KAT6B: variants seen among roughly 807,000 people sequenced by gnomAD.
The protein encoded by KAT6B is lysine acetyltransferase 6B, also known as histone acetyltransferase KAT6B.
A neutral mutation model predicts 187.5 loss-of-function variants in KAT6B; 10 were observed. The observed-to-expected ratio is 0.05, with a 90% CI of 0.03 to 0.09. The LOEUF (loss-of-function observed/expected upper bound fraction) is 0.09. KAT6B is among the 10% of genes least tolerant of loss of function. The pLI is 1.00. For missense variants in KAT6B, 1,952 were observed against 2,558.9 expected (o/e 0.76, Z 5.12); for synonymous variants, 861 against 926.8 (o/e 0.93, Z 1.29).
chr10:74,963,013 G>A (rs188035880), intron 4 of KAT6B, among the ~76,000 whole-genome samples: 13 of 152,244 alleles, frequency 8.5e-5, no homozygotes, highest in Admixed American at 8.5e-4. Context: ...CCTCATCTGT[G>A]GGGTGTAAAG....
intron 3 of KAT6B, among the ~76,000 whole-genome samples, chr10:74,912,533 G>A (rs1321672930): frequency 1.3e-5 from 2 of 152,136 alleles, no homozygotes; most frequent in Non-Finnish European, 2.9e-5. Context: ...GTTCATCCAT[G>A]TCTCTTGTAT....
At chr10:74,897,764 A>G (rs980994813) in intron 3 of KAT6B, among the ~76,000 whole-genome samples, 7 of 152,204 alleles carry the variant, frequency 4.6e-5, no homozygotes, top group Non-Finnish European at 7.4e-5. Flanking sequence ...AAAGAAGTAC[A>G]TCCTATTAAA....
chr10:74,826,430 A>G (rs1395146378), upstream of KAT6B, among the ~76,000 whole-genome samples: 2 of 152,176 alleles, frequency 1.3e-5, no homozygotes, highest in East Asian at 3.9e-4. Context: ...TGTGGAAGCG[A>G]GATGACCGGC....
chr10:74,893,169 G>GGTCT (rs1312793026), intron 3 of KAT6B, among the ~76,000 whole-genome samples: 1 of 152,182 alleles, frequency 6.6e-6, no homozygotes, highest in African/African-American at 2.4e-5. Context: ...CCAGCAAAGG[G>GGTCT]GTCTCACTAG....
At chr10:74,990,988 A>G (rs1308300795) in intron 13 of KAT6B, among the ~76,000 whole-genome samples, 1 of 152,122 alleles carries the variant, frequency 6.6e-6, no homozygotes, top group Admixed American at 6.5e-5. Context: ...CTTCCTTGAA[A>G]TGATCACCTC....
At chr10:74,889,670 A>G (rs1845521124) in intron 3 of KAT6B, among the ~76,000 whole-genome samples, 1 of 152,218 alleles carries the variant, frequency 6.6e-6, no homozygotes, top group South Asian at 2.1e-4. Context: ...ATTGAAAGGA[A>G]AATTCATTGT....
At chr10:74,842,473 T>C in intron 2 of KAT6B, 127 bp from the exon 3 acceptor site, 1 of 494,368 alleles carries the variant, frequency 2.0e-6, no homozygotes, top group African/African-American at 2.2e-5. Flanking sequence ...GGCTGTGTTA[T>C]GTAATACCTG....
chr10:74,859,273 T>C (rs1843009874), intron 3 of KAT6B, among the ~76,000 whole-genome samples: 1 of 151,412 alleles, frequency 6.6e-6, no homozygotes, highest in Non-Finnish European at 1.5e-5. Flanking sequence ...TTAGTAGAGA[T>C]GGGGTTTCAC....
In KAT6B at chr10:74,924,013, C is replaced by T. The variant is rs149203049; in HGVS notation, c.622-35957C>T. On this transcript the variant is annotated intron_variant, in intron 3 of 17. Transcript: ENST00000287239. ...TCTGGATGTATTTTGAAGTAGAGCC[C>T]GCAGAATTTGTTGATGAACTTGATG... Among the ~76,000 whole-genome samples, 9 of 152,002 alleles carry T rather than the reference C, an allele frequency of 5.9e-5. No individual in the cohort carries two copies. The East Asian group carries it at 9.7e-4, about 16-fold the overall frequency.
In KAT6B at chr10:74,969,775, T is replaced by C. The variant is rs772494538; in HGVS notation, c.846T>C (p.Ala282=). 6.9e-6 allele frequency: 11 copies of C among 1,600,346 alleles called. No individual in the cohort carries two copies. In the East Asian group the frequency reaches 2.5e-4, roughly 36 times the overall value. ...CSACRVQGRN[A]DNMLFCDSCD... is the part of the protein sequence containing the mutation. Reference sequence around the variant, plus strand: ...CCTGTAGAGTCCAAGGCAGAAATGCTGTAAGTATGGCTCCCGTAATCCGCC... The same window carrying C: ...CCTGTAGAGTCCAAGGCAGAAATGCCGTAAGTATGGCTCCCGTAATCCGCC... The change falls in exon 5 of 18, where the codon GCT becomes GCC. Residue 282 remains alanine, a splice_region_variant and synonymous_variant. Transcript: ENST00000287239.
chr10:74,970,231 C>CT, intron 6 of KAT6B, 130 bp downstream of exon 6: 1 of 692,842 alleles, frequency 1.4e-6, no homozygotes, highest in Non-Finnish European at 2.6e-6. Context: ...CCCTATACTT[C>CT]TGAGTTTAGC....
chr10:74,986,191 G>T (rs937578850), intron 12 of KAT6B, among the ~76,000 whole-genome samples: 4 of 152,166 alleles, frequency 2.6e-5, no homozygotes, highest in East Asian at 1.9e-4. Context: ...ACATTCTTCT[G>T]CTCAAAGGCT....
chr10:75,021,975 T>C lies in KAT6B; in HGVS notation c.3116T>C (p.Val1039Ala), dbSNP rs1171674356. The C allele has an allele frequency of 6.2e-7, 1 of 1,614,066 alleles. No individual in the cohort carries two copies. Among genetic ancestry groups the C allele is most frequent in the East Asian group, 2.2e-5 (1 of 44,890 alleles). The change falls in exon 16 of 18, where the codon GTA becomes GCA. Residue 1039 changes from valine to alanine, a missense_variant. This residue lies in a region of KAT6B where 758 missense variants were observed against 891.4 expected (regional missense o/e 0.85). Transcript: ENST00000287239. Reference sequence around the variant, plus strand: ...AACAGTAGGCAATCACCTGCAAAAGTACAATCGAAAAATAAATATTTGCAT... The same window carrying C: ...AACAGTAGGCAATCACCTGCAAAAGCACAATCGAAAAATAAATATTTGCAT... Reference protein sequence around the residue: ...RANSRQSPAKVQSKNKYLHSP... With the variant: ...RANSRQSPAKAQSKNKYLHSP...
intron 3 of KAT6B, among the ~76,000 whole-genome samples, chr10:74,883,789 T>C (rs1317677853): frequency 2.6e-5 from 4 of 152,224 alleles, no homozygotes; most frequent in African/African-American, 9.6e-5. Flanking sequence ...CCTACCCTTC[T>C]GCCCATCCTC....
At chr10:74,997,418 G>A (rs150659178) in intron 13 of KAT6B, among the ~76,000 whole-genome samples, 1 of 152,250 alleles carries the variant, frequency 6.6e-6, no homozygotes, top group Non-Finnish European at 1.5e-5. Context: ...GATTCATTCA[G>A]TCCTCACGGC....
chr10:74,957,009 A>T (rs1230333499), intron 3 of KAT6B, among the ~76,000 whole-genome samples: 1 of 152,220 alleles, frequency 6.6e-6, no homozygotes, highest in Non-Finnish European at 1.5e-5. Flanking sequence ...CTTAAATATA[A>T]CTTACCTGTA....
chr10:74,998,864 G>C (rs914220186), intron 13 of KAT6B, among the ~76,000 whole-genome samples: 1 of 152,100 alleles, frequency 6.6e-6, no homozygotes, highest in East Asian at 1.9e-4. Flanking sequence ...GGAGGTCAAG[G>C]CTTCAGTGAA....
chr10:74,833,164 A>AT (rs368206519), intron 1 of KAT6B, among the ~76,000 whole-genome samples: 590 of 148,624 alleles, frequency 4.0e-3, no homozygotes, highest in Non-Finnish European at 6.8e-3. Flanking sequence ...AAAAAATCAC[A>AT]TTTTTTCCCT....
rs4746249 is a variant in KAT6B at position 74,959,921 on chromosome 10, C to A, written c.622-49C>A. On this transcript the variant is annotated intron_variant, in intron 3 of 17. Transcript: ENST00000287239. ...AAAGCTTTTGATTTTAATGTTTTTACTTTTGAAATGGAAAAGTGACAGTAT... is the reference window on the plus strand; with the variant it reads ...AAAGCTTTTGATTTTAATGTTTTTAATTTTGAAATGGAAAAGTGACAGTAT... The A allele has an allele frequency of 0.23, 285,374 of 1,265,282 alleles. 46,605 individuals are homozygous for A. Among genetic ancestry groups the A allele is most frequent in the African/African-American group, 0.73 (49,609 of 67,994 alleles). 78.4% of individuals were successfully genotyped at this position (1,265,282 alleles called of 1,614,324 possible). A position where few individuals can be genotyped will look rare whatever the true frequency, so the allele number is the denominator to read the frequency against.
Sources: gnomAD v4.1 joint callset for allele counts (sites outside exome capture counted in the v4.1 genomes callset) on GRCh38, gnomAD v4.1.1 for gene constraint, gnomAD v4.1.1 regional missense constraint, MANE v1.5 for transcripts, NCBI Gene and HGNC (gene_info 2026-07-23, HGNC 2026-07-21) for gene names.